ANO3: variants seen among roughly 807,000 people sequenced by gnomAD.
ANO3 encodes the protein anoctamin 3, also known as anoctamin-3.
Under a neutral mutation model 144.8 loss-of-function variants are expected in ANO3, and 99 were observed. The observed-to-expected ratio is 0.68, with a 90% CI of 0.58 to 0.81. The LOEUF (loss-of-function observed/expected upper bound fraction) is 0.81. Ranked by LOEUF, ANO3 falls within the 30% of genes least tolerant of loss-of-function variation. The pLI, the probability that ANO3 is intolerant of heterozygous loss-of-function variation, is 0.00. For synonymous variants in ANO3, 414 were observed against 392.6 expected, an observed-to-expected ratio of 1.05 and a Z score of -0.64; for missense variants, 905 against 1,202.2, an observed-to-expected ratio of 0.75 and a Z score of 3.66.
At chr11:26,510,149 AAAAAGAGT>A (rs1324387662) in intron 5 of ANO3, among the ~76,000 whole-genome samples, 6 of 145,536 alleles carry the variant, frequency 4.1e-5, no homozygotes, top group South Asian at 2.2e-4. Flanking sequence ...AAAAAAAAAA[AAAAAGAGT>A]AGAAAAGAAA....
At chr11:26,455,251 T>G (rs1442571034) in intron 3 of ANO3, among the ~76,000 whole-genome samples, 12 of 147,408 alleles carry the variant, frequency 8.1e-5, no homozygotes, top group South Asian at 2.2e-4. Flanking sequence ...AGGAAATAAA[T>G]GGTATTCAAT....
chr11:26,386,921 G>T (rs573156039), intron 1 of ANO3, among the ~76,000 whole-genome samples: 14 of 152,036 alleles, frequency 9.2e-5, no homozygotes, highest in Non-Finnish European at 1.9e-4. Context: ...ATGTGTTTAC[G>T]TAGGTAAGTG....
Position 26,287,591 on chromosome 11 carries a change from T to TA in ANO3, c.155-22052dup, listed in dbSNP as rs200681057. On this transcript the variant is annotated intron_variant, in intron 1 of 27. Transcript: ENST00000672621. ...CAAAAATATATGATAAGTACTGTTATAATGTCACTCATTTACAGGTGAGGA... is the reference window on the plus strand; with the variant it reads ...CAAAAATATATGATAAGTACTGTTATAAATGTCACTCATTTACAGGTGAGGA... 73 of 152,316 alleles carry TA rather than the reference T, an allele frequency of 4.8e-4. 2 individuals are homozygous for TA. The East Asian group carries it at 0.013, about 28-fold the overall frequency. The allele number at this position is 152,316 out of a possible 1,614,324, so 9.4% of individuals were successfully genotyped here.
intron 1 of ANO3, among the ~76,000 whole-genome samples, chr11:26,339,083 T>A (rs1410895540): frequency 6.6e-6 from 1 of 152,132 alleles, no homozygotes; most frequent in Non-Finnish European, 1.5e-5. Flanking sequence ...CTTACATGCA[T>A]TGCAAGTTAA....
intron 1 of ANO3, among the ~76,000 whole-genome samples, chr11:26,283,371 G>T (rs1407018260): frequency 4.5e-5 from 4 of 89,266 alleles, no homozygotes; most frequent in Admixed American, 1.5e-4. Flanking sequence ...TATATAGCGA[G>T]CATTTTTTCT....
intron 1 of ANO3, among the ~76,000 whole-genome samples, chr11:26,245,018 T>TGTGTGTGTGTGTGTGTGTGCGCGC (rs151031559): frequency 3.4e-5 from 5 of 145,324 alleles, no homozygotes; most frequent in Non-Finnish European, 3.0e-5. Context: ...TGTGTGTGTG[T>TGTGTGTGTGTGTGTGTGTGCGCGC]GTGCATGCAT....
chr11:26,304,767 C>T (rs959212369), upstream of ANO3, among the ~76,000 whole-genome samples: 4 of 152,110 alleles, frequency 2.6e-5, no homozygotes, highest in Non-Finnish European at 5.9e-5. Flanking sequence ...AGTATGGCAA[C>T]AAACATCAGT....
chr11:26,618,656 T>A (rs1330822046), intron 17 of ANO3, among the ~76,000 whole-genome samples: 1 of 152,190 alleles, frequency 6.6e-6, no homozygotes, highest in East Asian at 1.9e-4. Context: ...TTTTCCATTC[T>A]CTTCTTGGCT....
chr11:26,200,381 C>T (rs1434542561), intron 1 of ANO3, among the ~76,000 whole-genome samples: 2 of 152,100 alleles, frequency 1.3e-5, no homozygotes, highest in South Asian at 2.1e-4. Flanking sequence ...ATCTGTGAGG[C>T]TTTCTTTGGC....
At chr11:26,422,440 C>G (rs947470644) in intron 1 of ANO3, among the ~76,000 whole-genome samples, 1 of 151,926 alleles carries the variant, frequency 6.6e-6, no homozygotes, top group Non-Finnish European at 1.5e-5. Flanking sequence ...TGTCTTGGAC[C>G]TTCATGTATA....
chr11:26,473,971 A>T, intron 4 of ANO3: 1 of 985,170 alleles, frequency 1.0e-6, no homozygotes, highest in African/African-American at 1.7e-5. Context: ...TTTGTGTAGC[A>T]CTCAGTATGT....
intron 1 of ANO3, among the ~76,000 whole-genome samples, chr11:26,325,218 G>A (rs550933823): frequency 7.9e-5 from 12 of 152,156 alleles, no homozygotes; most frequent in East Asian, 1.9e-4. Flanking sequence ...TTTTCCTAAC[G>A]TAATTACAAA....
intron 13 of ANO3, among the ~76,000 whole-genome samples, chr11:26,557,133 C>G (rs1177728016): frequency 2.6e-5 from 4 of 152,120 alleles, no homozygotes; most frequent in African/African-American, 9.6e-5. Flanking sequence ...GCTAAGTTTG[C>G]TACCTTCTTT....
At chr11:26,491,885 G>T (rs889902218) in intron 4 of ANO3, among the ~76,000 whole-genome samples, 3 of 152,092 alleles carry the variant, frequency 2.0e-5, no homozygotes, top group Non-Finnish European at 2.9e-5. Context: ...AAAAGTAAAA[G>T]AGTTAATTAC....
intron 1 of ANO3, among the ~76,000 whole-genome samples, chr11:26,282,310 G>GTT (rs780885084): frequency 0.018 from 2,620 of 141,700 alleles, 32 homozygotes; most frequent in Middle Eastern, 0.044. Flanking sequence ...CATTTTTTTT[G>GTT]TTTTTTTTTT....
intron 1 of ANO3, among the ~76,000 whole-genome samples, chr11:26,203,243 G>A (rs972433811): frequency 1.2e-4 from 19 of 152,112 alleles, no homozygotes; most frequent in African/African-American, 4.6e-4. Context: ...TCACTTTGAA[G>A]ATTAGAAAGT....
At chr11:26,270,228 T>C (rs1329537269) in intron 1 of ANO3, among the ~76,000 whole-genome samples, 1 of 152,224 alleles carries the variant, frequency 6.6e-6, no homozygotes, top group Non-Finnish European at 1.5e-5. Context: ...GGAATATTAA[T>C]CTTTTATCAG....
At chr11:26,463,177 A>G (rs773203734) in intron 4 of ANO3, 29 bp downstream of exon 4, 9 of 1,174,148 alleles carry the variant, frequency 7.7e-6, no homozygotes, top group Non-Finnish European at 2.5e-6. Flanking sequence ...TCAATAAGTC[A>G]TTTTTAGAGC....
intron 1 of ANO3, among the ~76,000 whole-genome samples, chr11:26,248,298 A>T (rs1852845868): frequency 2.0e-5 from 3 of 152,012 alleles, no homozygotes; most frequent in Admixed American, 2.0e-4. Flanking sequence ...AGATCGCGCC[A>T]CTGCACTCCA....
Sources: gnomAD v4.1 joint callset for allele counts (sites outside exome capture counted in the v4.1 genomes callset) on GRCh38, gnomAD v4.1.1 for gene constraint, MANE v1.5 for transcripts, NCBI Gene and HGNC (gene_info 2026-07-23, HGNC 2026-07-21) for gene names.